The following BLTP1 variants were observed in gnomAD, a reference collection of about 807,000 sequenced individuals.
BLTP1 encodes the protein fragile site-associated protein.
chr4:122,324,734 G>A, the BLTP1 span, among the ~76,000 whole-genome samples: 89 of 151,960 alleles, frequency 5.9e-4, no homozygotes, highest in Non-Finnish European at 9.7e-4. Context: ...ACCACAATGC[G>A]GTAAGTGCTT....
the BLTP1 span, among the ~76,000 whole-genome samples, chr4:122,206,740 A>C: frequency 2.0e-5 from 3 of 151,876 alleles, no homozygotes; most frequent in African/African-American, 7.2e-5. Context: ...GAAGCAACAC[A>C]TAAAAAATGT....
At chr4:122,287,858 C>A in the BLTP1 span, 1 of 289,086 alleles carries the variant, frequency 3.5e-6, no homozygotes, top group Non-Finnish European at 5.2e-6. Flanking sequence ...CTTGTACTTT[C>A]TACTCTGAAA....
chr4:122,237,340 G>A, the BLTP1 span: 94 of 985,262 alleles, frequency 9.5e-5, no homozygotes, highest in African/African-American at 1.6e-3. Context: ...ATGAAACTGT[G>A]AAACAGTGGT....
chr4:122,234,961 G>C, the BLTP1 span: 1 of 1,613,624 alleles, frequency 6.2e-7, no homozygotes, highest in Non-Finnish European at 8.5e-7. Context: ...ATGTATTATG[G>C]ACAGTCTCTG....
At chr4:122,188,564 A>T in the BLTP1 span, among the ~76,000 whole-genome samples, 1 of 151,778 alleles carries the variant, frequency 6.6e-6, no homozygotes, top group African/African-American at 2.4e-5. Flanking sequence ...CCCACTTGAC[A>T]TTTCTTTAAG....
the BLTP1 span, chr4:122,315,746 A>G: frequency 1.1e-5 from 17 of 1,532,412 alleles, no homozygotes; most frequent in Admixed American, 6.8e-5. Context: ...AGACAGGGAT[A>G]TTTTTTGTTC....
the BLTP1 span, chr4:122,287,494 C>G: frequency 1.3e-6 from 1 of 768,988 alleles, no homozygotes; most frequent in East Asian, 1.3e-4. Context: ...CTGAGAGAGG[C>G]AGGAGCCACG....
chr4:122,250,631 T>C, the BLTP1 span: 3 of 1,509,464 alleles, frequency 2.0e-6, no homozygotes, highest in Admixed American at 5.2e-5. Context: ...CAAAGAAAAC[T>C]ACATATGCAA....
the BLTP1 span, chr4:122,237,606 T>C: frequency 4.3e-6 from 3 of 701,458 alleles, no homozygotes; most frequent in Non-Finnish European, 5.3e-6. Context: ...CAATAAAAGA[T>C]TTAAAAAGAA....
chr4:122,338,284 C>T, the BLTP1 span, among the ~76,000 whole-genome samples: 1 of 151,672 alleles, frequency 6.6e-6, no homozygotes, highest in Admixed American at 6.6e-5. Flanking sequence ...CTGGGCAACA[C>T]ATGGAGACCC....
the BLTP1 span, chr4:122,353,962 T>C: frequency 6.2e-7 from 1 of 1,613,460 alleles, no homozygotes; most frequent in African/African-American, 1.3e-5. This position sits in a 1 kb window ranked among gnomAD's most constrained non-coding sequence, Gnocchi z 4.3. Flanking sequence ...ATCCACCCCA[T>C]GGAGTAGCAA....
chr4:122,279,882 A>G, the BLTP1 span: 4 of 1,614,132 alleles, frequency 2.5e-6, no homozygotes, highest in East Asian at 4.5e-5. Flanking sequence ...ATCAGTATCA[A>G]CATTCCTCAG....
chr4:122,211,168 A>G, the BLTP1 span: 9 of 1,321,516 alleles, frequency 6.8e-6, no homozygotes, highest in East Asian at 2.2e-4. Flanking sequence ...GAAAATTGAG[A>G]CCGTTTGAAA....
chr4:122,269,245 A>C, the BLTP1 span, among the ~76,000 whole-genome samples: 1 of 151,468 alleles, frequency 6.6e-6, no homozygotes, highest in South Asian at 2.1e-4. Context: ...AATTATATAT[A>C]ATTTATATGT....
chr4:122,330,325 CTG>C, the BLTP1 span, among the ~76,000 whole-genome samples: 1 of 151,794 alleles, frequency 6.6e-6, no homozygotes, highest in Non-Finnish European at 1.5e-5. Flanking sequence ...AGCAGCTGCT[CTG>C]TTTTGCATTC....
the BLTP1 span, chr4:122,308,027 A>G: frequency 5.6e-6 from 9 of 1,613,460 alleles, no homozygotes; most frequent in South Asian, 1.1e-5. Context: ...AAGGATATTC[A>G]TATGGCTACA....
At chr4:122,298,340 T>C in the BLTP1 span, 1 of 408,420 alleles carries the variant, frequency 2.4e-6, no homozygotes, top group South Asian at 1.0e-4. Context: ...CTAAGAACTC[T>C]CTTAGCTTAA....
chr4:122,322,970 T>A, the BLTP1 span, among the ~76,000 whole-genome samples: 1 of 152,098 alleles, frequency 6.6e-6, no homozygotes, highest in Non-Finnish European at 1.5e-5. Flanking sequence ...CTGAGGGGAT[T>A]TTTTTCCCCT....
chr4:122,219,513 T>C, the BLTP1 span: 1 of 1,614,050 alleles, frequency 6.2e-7, no homozygotes, highest in Non-Finnish European at 8.5e-7. Flanking sequence ...CCTTGCGTCC[T>C]TGGGATATTA....
Sources: gnomAD v4.1 joint callset for allele counts (sites outside exome capture counted in the v4.1 genomes callset) on GRCh38, gnomAD v4.1.1 for gene constraint, Gnocchi (gnomAD v3.1) non-coding constraint, MANE v1.5 for transcripts, NCBI Gene and HGNC (gene_info 2026-07-23, HGNC 2026-07-21) for gene names.